Variants in P3H2 observed in about 807,000 individuals in gnomAD.
The protein encoded by P3H2 is prolyl 3-hydroxylase 2.
A neutral mutation model predicts 87.0 loss-of-function variants in P3H2; 80 were observed. The ratio of observed to expected loss-of-function variants is 0.92; its 90% confidence interval spans 0.77 to 1.11. The LOEUF (loss-of-function observed/expected upper bound fraction) is 1.11. P3H2 is among the 50% of genes least tolerant of loss of function. The pLI is 0.00. For missense variants in P3H2, 1,001 were observed against 923.9 expected (o/e 1.08, Z -1.08); for synonymous variants, 367 against 359.3 (o/e 1.02, Z -0.24).
At chr3:190,084,981 T>C (rs1727165199) in intron 1 of P3H2, among the ~76,000 whole-genome samples, 1 of 151,908 alleles carries the variant, frequency 6.6e-6, no homozygotes, top group Non-Finnish European at 1.5e-5. Flanking sequence ...GAAAACTAAC[T>C]ATAAAGCTTT....
chr3:190,063,768 G>A lies in P3H2; in HGVS notation c.480+56484C>T, dbSNP rs1355544244. On this transcript the variant is annotated intron_variant, in intron 1 of 14. Transcript: ENST00000319332. ...ATTAGAGACTTCCGAGCTGCCTCTG[G>A]AACATAAGCTGTTACCCCAGGATAT... 2.6e-5 allele frequency among the ~76,000 whole-genome samples: 4 copies of A among 152,028 alleles called. No homozygotes were observed. In the South Asian group the frequency reaches 6.2e-4, roughly 24 times the overall value.
At chr3:190,087,062 T>C (rs1160575783) in intron 1 of P3H2, among the ~76,000 whole-genome samples, 1 of 152,178 alleles carries the variant, frequency 6.6e-6, no homozygotes, top group Non-Finnish European at 1.5e-5. Context: ...TTCTCCACTT[T>C]GAAAATCCAG....
intron 10 of P3H2, among the ~76,000 whole-genome samples, chr3:189,973,420 T>C (rs1723237677): frequency 6.6e-6 from 1 of 151,806 alleles, no homozygotes; most frequent in Non-Finnish European, 1.5e-5. Flanking sequence ...GGAGGAATGA[T>C]TAACTACAAT....
intron 1 of P3H2, among the ~76,000 whole-genome samples, chr3:189,995,832 A>T (rs985562007): frequency 2.6e-5 from 4 of 152,200 alleles, no homozygotes; most frequent in African/African-American, 9.6e-5. Flanking sequence ...GAAGATATAC[A>T]ATTGGCCAAC....
intron 1 of P3H2, among the ~76,000 whole-genome samples, chr3:190,065,817 A>C (rs1223638678): frequency 6.6e-6 from 1 of 152,070 alleles, no homozygotes; most frequent in Non-Finnish European, 1.5e-5. Context: ...AAGTTTATGA[A>C]ACACTTTTTG....
upstream of P3H2, chr3:190,121,213 TTGCAGAG>T (rs1351085089): frequency 6.5e-6 from 1 of 153,676 alleles, no homozygotes; most frequent in Non-Finnish European, 1.4e-5. Context: ...GCCTCGCAGT[TTGCAGAG>T]TGCTTCACCT....
chr3:189,970,449 T>C (rs923951285), intron 13 of P3H2, among the ~76,000 whole-genome samples: 1 of 151,484 alleles, frequency 6.6e-6, no homozygotes, highest in East Asian at 1.9e-4. Context: ...GAAAGACACC[T>C]TGTAGAATCA....
intron 1 of P3H2, among the ~76,000 whole-genome samples, chr3:190,081,133 T>C (rs1190188990): frequency 2.0e-5 from 3 of 152,192 alleles, no homozygotes; most frequent in Non-Finnish European, 4.4e-5. Context: ...AAAGAAATTA[T>C]CAAATAAAAT....
chr3:190,075,786 C>T (rs1021328495), intron 1 of P3H2, among the ~76,000 whole-genome samples: 6 of 152,052 alleles, frequency 3.9e-5, no homozygotes, highest in Non-Finnish European at 5.9e-5. Context: ...AAAGATAGGT[C>T]GGGTCAGATC....
intron 8 of P3H2, among the ~76,000 whole-genome samples, chr3:189,982,414 C>T (rs1577253213): frequency 6.6e-6 from 1 of 152,136 alleles, no homozygotes; most frequent in African/African-American, 2.4e-5. Flanking sequence ...ATGCTTGGCT[C>T]TACTTAAAAA....
At chr3:190,009,049 A>T (rs1228982571) in intron 1 of P3H2, among the ~76,000 whole-genome samples, 1 of 152,176 alleles carries the variant, frequency 6.6e-6, no homozygotes, top group African/African-American at 2.4e-5. Context: ...ACCTTGATGG[A>T]TAGATGAGAT....
chr3:189,997,562 A>G (rs1279426312), intron 1 of P3H2, among the ~76,000 whole-genome samples: 1 of 152,212 alleles, frequency 6.6e-6, no homozygotes, highest in African/African-American at 2.4e-5. Flanking sequence ...TGTGAAATAT[A>G]ATCAACTCTT....
At chr3:189,995,000 T>C (rs1181195097) in intron 2 of P3H2, among the ~76,000 whole-genome samples, 1 of 152,110 alleles carries the variant, frequency 6.6e-6, no homozygotes, top group Non-Finnish European at 1.5e-5. Context: ...TTCTAGTTTT[T>C]ATCACATTAT....
chr3:190,057,395 G>C (rs915521219), intron 1 of P3H2, among the ~76,000 whole-genome samples: 1 of 152,166 alleles, frequency 6.6e-6, no homozygotes, highest in Non-Finnish European at 1.5e-5. Context: ...CTAAGTCCCA[G>C]GGATGTATCT....
Position 189,994,181 on chromosome 3 carries a change from C to G in P3H2, c.736G>C (p.Glu246Gln). 1 of 1,613,806 alleles carries G rather than the reference C, an allele frequency of 6.2e-7. No homozygotes were observed. Among genetic ancestry groups the G allele is most frequent in the South Asian group, 1.1e-5 (1 of 91,050 alleles). The change falls in exon 3 of 15, where the codon GAA (glutamate) becomes CAA (glutamine). Residue 246 changes from glutamate (E) to glutamine (Q), a missense_variant. By Grantham distance (29) the Glu-to-Gln change is conservative. Coordinates refer to ENST00000319332, the MANE Select transcript of P3H2 (RefSeq NM_018192.4). Reference protein sequence around the residue: ...ALREYFVEDTECRTLCEGPQR... With the variant: ...ALREYFVEDTQCRTLCEGPQR... ...GGCCCCTCACATAGGGTCCGGCATT[C>G]TGTATCTTCAACGAAATATTCTCTT...
intron 1 of P3H2, among the ~76,000 whole-genome samples, chr3:190,025,727 T>A (rs555626335): frequency 6.6e-6 from 1 of 152,288 alleles, no homozygotes; most frequent in African/African-American, 2.4e-5. Flanking sequence ...GAATTCGAGA[T>A]ATTTTTGGAG....
chr3:190,082,977 GA>G (rs1727093660), intron 1 of P3H2, among the ~76,000 whole-genome samples: 1 of 152,118 alleles, frequency 6.6e-6, no homozygotes, highest in Non-Finnish European at 1.5e-5. Context: ...AATACTCCAA[GA>G]TTAGGTGAAT....
chr3:189,985,503 T>C (rs1056103924), intron 6 of P3H2, among the ~76,000 whole-genome samples: 1 of 151,306 alleles, frequency 6.6e-6, no homozygotes, highest in Non-Finnish European at 1.5e-5. Context: ...GACTTTAGAG[T>C]AGTCACTAAA....
At chr3:190,063,898 A>G (rs1401919891) in intron 1 of P3H2, among the ~76,000 whole-genome samples, 1 of 151,988 alleles carries the variant, frequency 6.6e-6, no homozygotes, top group Admixed American at 6.6e-5. Flanking sequence ...TCTTTTCACC[A>G]TGAGTTAGAT....
Sources: allele counts gnomAD v4.1 joint callset (sites outside exome capture counted in the v4.1 genomes callset), GRCh38; gene constraint gnomAD v4.1.1; transcripts MANE v1.5; gene names NCBI Gene and HGNC (gene_info 2026-07-23, HGNC 2026-07-21).